The following ZCWPW1 variants were observed in gnomAD, a reference collection of about 807,000 sequenced individuals.
ZCWPW1 encodes zinc finger CW-type PWWP domain protein 1.
A neutral mutation model predicts 81.3 loss-of-function variants in ZCWPW1; 56 were observed. That is an observed-to-expected ratio of 0.69 (90% CI 0.56 to 0.86). The LOEUF is 0.86. Ranked by LOEUF, ZCWPW1 falls within the 40% of genes least tolerant of loss-of-function variation. The pLI is 0.00. For synonymous variants in ZCWPW1, 250 were observed against 273.7 expected (o/e 0.91, Z 0.86); for missense variants, 650 against 769.8 (o/e 0.84, Z 1.84).
At position 100,408,671 on chromosome 7, in the gene ZCWPW1, G is replaced by A. The variant is rs776187410; in HGVS notation, c.872-12C>T. ...ATTATACTGCACATCTGCTGAAAGA[G>A]AGAAGGAATGAAGGGACAGGAAGAG... On this transcript the variant is annotated splice_polypyrimidine_tract_variant and intron_variant, in intron 9 of 17. Coordinates refer to ENST00000684423, the MANE Select transcript of ZCWPW1 (RefSeq NM_001386010.1). 2 of 1,611,630 alleles carry A rather than the reference G, an allele frequency of 1.2e-6. No homozygotes were observed. Among genetic ancestry groups the A allele is most frequent in the Admixed American group, 3.4e-5 (2 of 59,514 alleles).
At chr7:100,421,361 G>T (rs2130826284) in intron 2 of ZCWPW1, among the ~76,000 whole-genome samples, 1 of 152,254 alleles carries the variant, frequency 6.6e-6, no homozygotes, top group African/African-American at 2.4e-5. Flanking sequence ...CATTTCATAA[G>T]CCTCTCCTAA....
chr7:100,404,173 C>T lies in ZCWPW1; in HGVS notation c.1321+5G>A, dbSNP rs2158862. ...TCTCCAGTCCTCAACCTCCATTTAT[C>T]CTACCTTTTCTTTCCCCATTACTGT... is the stretch of plus-strand genomic sequence containing the variant. On this transcript the variant is annotated splice_donor_5th_base_variant and intron_variant, in intron 14 of 17. Transcript: ENST00000684423. 1.2e-6 allele frequency: 2 copies of T among 1,614,030 alleles called. No homozygotes were observed. The highest frequency in any genetic ancestry group is 2.2e-5 in the South Asian group (2 of 91,068).
intron 8 of ZCWPW1, among the ~76,000 whole-genome samples, chr7:100,413,781 G>A (rs138795332): frequency 4.6e-5 from 7 of 151,594 alleles, no homozygotes; most frequent in Admixed American, 1.3e-4. Context: ...TTATAGAGAC[G>A]GGGGTCTCAC....
At chr7:100,407,551 C>T (rs1036648816) in intron 10 of ZCWPW1, among the ~76,000 whole-genome samples, 1 of 151,782 alleles carries the variant, frequency 6.6e-6, no homozygotes, top group Non-Finnish European at 1.5e-5. Flanking sequence ...TGCCACCACA[C>T]CCAGCTGTTT....
At chr7:100,405,317 C>T (rs1461116895) in intron 12 of ZCWPW1, among the ~76,000 whole-genome samples, 1 of 151,828 alleles carries the variant, frequency 6.6e-6, no homozygotes, top group Non-Finnish European at 1.5e-5. Flanking sequence ...AACCCCAGCT[C>T]CTCGGGAGGG....
At position 100,407,877 on chromosome 7, in the gene ZCWPW1, C is replaced by T. The variant is rs139863779; in HGVS notation, c.993-574G>A. On this transcript the variant is annotated intron_variant, in intron 10 of 17. Transcript: ENST00000684423. ...TCCACAATCCTAAGAACAAAATCTT[C>T]GACTAGAGACATCTCCAAAGAAGAA... Among the ~76,000 whole-genome samples, 61 of 152,276 alleles carry T rather than the reference C, an allele frequency of 4.0e-4. No individual in the cohort carries two copies. The East Asian group carries it at 9.4e-3, about 24-fold the overall frequency.
chr7:100,412,480 T>G (rs1349771623), intron 8 of ZCWPW1, among the ~76,000 whole-genome samples: 1 of 152,232 alleles, frequency 6.6e-6, no homozygotes, highest in African/African-American at 2.4e-5. Flanking sequence ...TTCCAGTATC[T>G]AATTCATTAC....
At chr7:100,410,538 C>T (rs1793962120) in intron 8 of ZCWPW1, among the ~76,000 whole-genome samples, 1 of 152,172 alleles carries the variant, frequency 6.6e-6, no homozygotes, top group African/African-American at 2.4e-5. Context: ...TGTAGAGATG[C>T]TGGTATCTGA....
In ZCWPW1 at chr7:100,403,835, G is replaced by C. The variant is rs771003171; in HGVS notation, c.1322-50C>G. The C allele has an allele frequency of 7.2e-6, 11 of 1,525,764 alleles. No individual in the cohort carries two copies. The South Asian group carries it at 1.0e-4, about 14-fold the overall frequency. The allele number at this position is 1,525,764 out of a possible 1,614,324, so 94.5% of individuals were successfully genotyped here. A position where few individuals can be genotyped will look rare whatever the true frequency, so the allele number is the denominator to read the frequency against. ...GCTAAATCATTCATACCATAAAATA[G>C]TGAGTTAATGAAGCTGATCACAAAG... On this transcript the variant is annotated intron_variant, in intron 14 of 17. Coordinates refer to ENST00000684423, the MANE Select transcript of ZCWPW1 (RefSeq NM_001386010.1).
intron 8 of ZCWPW1, among the ~76,000 whole-genome samples, chr7:100,412,357 T>C (rs905226142): frequency 3.3e-5 from 5 of 152,174 alleles, no homozygotes; most frequent in African/African-American, 1.2e-4. Flanking sequence ...CAAACCTGAA[T>C]GCTTCATCTT....
At chr7:100,423,786 T>C (rs1796778422) in intron 2 of ZCWPW1, among the ~76,000 whole-genome samples, 1 of 151,996 alleles carries the variant, frequency 6.6e-6, no homozygotes, top group South Asian at 2.1e-4. Context: ...TGGATAAAAT[T>C]GGCCAGGCAT....
rs376275295 is a variant in ZCWPW1 at position 100,416,287 on chromosome 7, A to C, written c.631+18T>G. 1 of 1,613,104 alleles carries C rather than the reference A, an allele frequency of 6.2e-7. No individual in the cohort carries two copies. Among genetic ancestry groups the C allele is most frequent in the South Asian group, 1.1e-5 (1 of 91,010 alleles). ...TAGTACTTGAGCCAGGCTTCAAAGT[A>C]TATCTGACTGTACTTACGAGCTTCC... On this transcript the variant is annotated intron_variant, in intron 7 of 17. Transcript: ENST00000684423.
chr7:100,415,073 C>G (rs571736534), intron 8 of ZCWPW1, among the ~76,000 whole-genome samples: 110 of 145,888 alleles, frequency 7.5e-4, no homozygotes, highest in African/African-American at 2.7e-3. Flanking sequence ...AACTCCGTAC[C>G]CATTTTTTTT....
intron 15 of ZCWPW1, 132 bp downstream of exon 15, chr7:100,403,562 G>A (rs1792370228): frequency 1.6e-6 from 1 of 632,150 alleles, no homozygotes; most frequent in East Asian, 4.0e-5. Context: ...GGTGGCTCAT[G>A]CCTGTAATCC....
rs780819488 is a variant in ZCWPW1, at chr7:100,416,386, A to G, written c.550T>C (p.Ser184Pro). Reference sequence around the variant, plus strand: ...GCAGGATCTGGCTGGCCTAACTTAGATGTCCTTATCTCAGGGGCAGCTTCA... The same window carrying G: ...GCAGGATCTGGCTGGCCTAACTTAGGTGTCCTTATCTCAGGGGCAGCTTCA... ...EGEAAPEIRT[S>P]KLGQPDPAPS... The change falls in exon 7 of 18, where the codon TCT becomes CCT. Residue 184 changes from serine (S) to proline (P), a missense_variant. Ser to Pro is a moderately conservative substitution (Grantham distance 74, BLOSUM62 -1). Coordinates refer to ENST00000684423, the MANE Select transcript of ZCWPW1 (RefSeq NM_001386010.1). 1.2e-6 allele frequency: 2 copies of G among 1,614,138 alleles called. No individual in the cohort carries two copies. The highest frequency in any genetic ancestry group is 8.5e-7 in the Non-Finnish European group (1 of 1,180,010).
At position 100,406,701 on chromosome 7, in the gene ZCWPW1, G is replaced by A. The variant is rs1793080459; in HGVS notation, c.1166C>T (p.Ser389Leu). ...ACCCCAAGATGTGCTCACCATGACT[G>A]ATAGCTCCAGGGACAGCTCCTGGAA... Reference protein sequence around the residue: ...KNFQELSLELSVMKKRRNDCS... With the variant: ...KNFQELSLELLVMKKRRNDCS... The change falls in exon 12 of 18, where the codon TCA (serine) becomes TTA (leucine). Residue 389 changes from serine (S) to leucine (L), a missense_variant. Coordinates refer to ENST00000684423, the MANE Select transcript of ZCWPW1 (RefSeq NM_001386010.1). 1 of 1,613,950 alleles carries A rather than the reference G, an allele frequency of 6.2e-7. No individual in the cohort carries two copies.
At chr7:100,411,892 GAAGAT>G (rs1337301653) in intron 8 of ZCWPW1, among the ~76,000 whole-genome samples, 2 of 152,168 alleles carry the variant, frequency 1.3e-5, no homozygotes, top group African/African-American at 4.8e-5. Flanking sequence ...ACCTAAAGGA[GAAGAT>G]AATGTGCTCT....
In ZCWPW1 at chr7:100,405,044, A is replaced by T; in HGVS notation, c.1223T>A (p.Met408Lys). 6.2e-7 allele frequency: 1 copy of T among 1,613,678 alleles called. No homozygotes were observed. Among genetic ancestry groups the T allele is most frequent in the Non-Finnish European group, 8.5e-7 (1 of 1,179,848 alleles). The change falls in exon 13 of 18, where the codon ATG (methionine) becomes AAG (lysine). Residue 408 changes from methionine to lysine, a missense_variant. By Grantham distance (95) the Met-to-Lys change is moderately conservative. Coordinates refer to ENST00000684423, the MANE Select transcript of ZCWPW1 (RefSeq NM_001386010.1). ...CSQKLGVALM[M>K]AQEAEQISIQ... ...GCTGATCTGTTCTGCCTCTTGAGCC[A>T]TCATCAGGGCCACCCCCAGTTTCTG... is the stretch of plus-strand genomic sequence containing the variant.
At chr7:100,404,962 C>A (rs763053397) in intron 13 of ZCWPW1, 51 bp downstream of exon 13, 8 of 1,565,274 alleles carry the variant, frequency 5.1e-6, no homozygotes, top group Non-Finnish European at 7.0e-6. Flanking sequence ...AAAGAATCCC[C>A]CTTGTCCAAG....
Sources: allele counts gnomAD v4.1 joint callset (sites outside exome capture counted in the v4.1 genomes callset), GRCh38; gene constraint gnomAD v4.1.1; transcripts MANE v1.5; gene names NCBI Gene and HGNC (gene_info 2026-07-23, HGNC 2026-07-21).